EXOC7: variants seen among roughly 807,000 people sequenced by gnomAD.
EXOC7 encodes exocyst complex component Exo70.
Under a neutral mutation model 87.6 loss-of-function variants are expected in EXOC7, and 51 were observed. The observed-to-expected ratio is 0.58, with a 90% CI of 0.46 to 0.73. The LOEUF is 0.73. Ranked by LOEUF, EXOC7 falls within the 30% of genes least tolerant of loss-of-function variation. The pLI is 0.00. For synonymous variants in EXOC7, 327 were observed against 357.1 expected, an observed-to-expected ratio of 0.92 and a Z score of 0.95; for missense variants, 744 against 888.4, an observed-to-expected ratio of 0.84 and a Z score of 2.07.
intron 5 of EXOC7, 94 bp from the exon 6 acceptor site, chr17:76,094,675 C>T: frequency 7.8e-7 from 1 of 1,283,136 alleles, no homozygotes; most frequent in South Asian, 1.4e-5. Flanking sequence ...GTCAACCCTT[C>T]TTAGCATCTG....
At chr17:76,094,290 G>T in intron 6 of EXOC7, 124 bp downstream of exon 6, 1 of 1,053,654 alleles carries the variant, frequency 9.5e-7, no homozygotes, top group Non-Finnish European at 1.3e-6. Flanking sequence ...TGTACCTACA[G>T]TCGGGGTTAC....
In EXOC7 at chr17:76,088,471, T is replaced by C. The variant is rs755301949; in HGVS notation, c.1292A>G (p.Asn431Ser). The C allele has an allele frequency of 6.2e-7, 1 of 1,613,712 alleles. No individual in the cohort carries two copies. Among genetic ancestry groups the C allele is most frequent in the East Asian group, 2.2e-5 (1 of 44,872 alleles). ...GAKALEDFAD[N>S]IKNDPDKEYN... is the part of the protein sequence containing the mutation. ...GGGGAGGACAGCAGGGACCTTGATG[T>C]TGTCTGCGAAGTCCTCCAGCGCTTT... Residue 431 changes from asparagine to serine, a missense_variant, in exon 10 of 19, where the codon AAC becomes AGC. Coordinates refer to ENST00000589210, the MANE Select transcript of EXOC7 (RefSeq NM_001013839.4).
In EXOC7 at chr17:76,082,877, A is replaced by C. The variant is rs2067043119; in HGVS notation, c.*771T>G. ...GCCCTATTTTTTGCTTCCAACCCCC[A>C]TTTTGCTCCTTAACTTTTCCCCATT... is the stretch of plus-strand genomic sequence containing the variant. On this transcript the variant is annotated 3_prime_UTR_variant, in exon 19 of 19. Transcript: ENST00000589210. 5.0e-6 allele frequency: 2 copies of C among 399,658 alleles called. No individual in the cohort carries two copies. The highest frequency in any genetic ancestry group is 1.6e-4 in the South Asian group (2 of 12,166). 24.8% of individuals were successfully genotyped at this position (399,658 alleles called of 1,614,324 possible).
Position 76,094,458 on chromosome 17 carries a change from T to A in EXOC7, c.764A>T (p.Asn255Ile). ...SGVPYSPAIP[N>I]KRKDTPTKKP... The stretch of plus-strand genomic sequence containing the variant: ...CTTGGTAGGTGTGTCTTTCCTCTTG[T>A]TGGGGATAGCAGGGGAGTAGGGAAC... The change falls in exon 6 of 19, where the codon AAC becomes ATC. Residue 255 changes from asparagine to isoleucine, a missense_variant. Asn to Ile is a moderately radical substitution (Grantham distance 149, BLOSUM62 -3). Coordinates refer to ENST00000589210, the MANE Select transcript of EXOC7 (RefSeq NM_001013839.4). 1 of 1,614,038 alleles carries A rather than the reference T, an allele frequency of 6.2e-7. No homozygotes were observed. Among genetic ancestry groups the A allele is most frequent in the Non-Finnish European group, 8.5e-7 (1 of 1,179,956 alleles).
chr17:76,091,088 T>C, intron 7 of EXOC7, 55 bp downstream of exon 7: 1 of 1,508,072 alleles, frequency 6.6e-7, no homozygotes, highest in Non-Finnish European at 9.2e-7. Context: ...CCCTGCCAAG[T>C]GCGTGGACAC....
intron 7 of EXOC7, chr17:76,090,770 C>A (rs2067442442): frequency 3.8e-6 from 2 of 526,782 alleles, no homozygotes; most frequent in East Asian, 6.5e-5. Flanking sequence ...TGCACACACT[C>A]CCCTTTCTAA....
At chr17:76,087,166 G>C in intron 12 of EXOC7, 4 of 458,318 alleles carry the variant, frequency 8.7e-6, no homozygotes, top group Non-Finnish European at 1.6e-5. Flanking sequence ...AGAGGGCCCA[G>C]GGACCTCAGT....
At chr17:76,090,190 G>C in intron 7 of EXOC7, 1 of 947,896 alleles carries the variant, frequency 1.1e-6, no homozygotes, top group East Asian at 2.7e-5. Context: ...AAAAGAGAGA[G>C]AGTGGAGAGA....
At chr17:76,088,977 T>G in intron 8 of EXOC7, 54 bp from the exon 9 acceptor site, 1 of 1,574,838 alleles carries the variant, frequency 6.3e-7, no homozygotes, top group Admixed American at 1.7e-5. Context: ...GAGCTAGTTC[T>G]GGGCTAGTGG....
chr17:76,103,534 C>A, intron 1 of EXOC7, 99 bp downstream of exon 1: 1 of 1,567,578 alleles, frequency 6.4e-7, no homozygotes, highest in Non-Finnish European at 8.6e-7. Flanking sequence ...GCTGGGTGCG[C>A]TCCCTCCCAC....
In EXOC7 at chr17:76,094,489, A is replaced by C; in HGVS notation, c.733T>G (p.Ser245Ala). ...ATAGCAGGGGAGTAGGGAACCCCAG[A>C]GGAAGAACTGCTCTTATGGAAATGC... Reference protein sequence around the residue: ...KEHFHKSSSSSGVPYSPAIPN... With the variant: ...KEHFHKSSSSAGVPYSPAIPN... The change falls in exon 6 of 19, where the codon TCT becomes GCT. Residue 245 changes from serine to alanine, a missense_variant. By Grantham distance (99) the Ser-to-Ala change is moderately conservative. Transcript: ENST00000589210. The C allele has an allele frequency of 6.2e-7, 1 of 1,614,130 alleles. No homozygotes were observed. The highest frequency in any genetic ancestry group is 8.5e-7 in the Non-Finnish European group (1 of 1,180,032).
At position 76,086,514 on chromosome 17, in the gene EXOC7, C is replaced by T. The variant is rs575413724; in HGVS notation, c.1430-369G>A. ...TCTTAGAATGGGCTCCCCACAGCCT[C>T]TCCACCTTCTCCCCTACATTCGAAC... On this transcript the variant is annotated intron_variant, in intron 12 of 18. Transcript: ENST00000589210. Among the ~76,000 whole-genome samples, 183 of 152,308 alleles carry T rather than the reference C, an allele frequency of 1.2e-3. 1 individual carries two copies. The highest frequency in any genetic ancestry group is 4.1e-3 in the African/African-American group (172 of 41,568).
At chr17:76,086,988 G>A in intron 12 of EXOC7, 4 of 1,105,020 alleles carry the variant, frequency 3.6e-6, no homozygotes, top group South Asian at 1.4e-5. Context: ...GAAACGGCAT[G>A]TCAACCCGAA....
In EXOC7 at chr17:76,086,873, A is replaced by G. The variant is rs1403136302; in HGVS notation, c.1430-728T>C. 24 of 1,551,276 alleles carry G rather than the reference A, an allele frequency of 1.5e-5. No homozygotes were observed. The Middle Eastern group carries it at 5.0e-4, about 32-fold the overall frequency. ...GCTTACCTCGGGGGTCTAAAGGAATATTGTATGTGTCCCCAAGAACTACGG... is the reference window on the plus strand; with the variant it reads ...GCTTACCTCGGGGGTCTAAAGGAATGTTGTATGTGTCCCCAAGAACTACGG... On this transcript the variant is annotated intron_variant, in intron 12 of 18. Coordinates refer to ENST00000589210, the MANE Select transcript of EXOC7 (RefSeq NM_001013839.4).
chr17:76,084,397 G>A (rs1368662396), intron 16 of EXOC7, 108 bp from the exon 17 acceptor site: 1 of 1,565,528 alleles, frequency 6.4e-7, no homozygotes, highest in Non-Finnish European at 8.8e-7. Context: ...GTGTCCTGAT[G>A]GCCACATGCA....
rs1296696866 is a variant in EXOC7, at chr17:76,081,984, G to T, written c.*1664C>A. ...CGGGGCAACCTTGGGGCCAAGAGCG[G>T]CCCCAGCCCAGCCCCGAGAGGGGAA... is the stretch of plus-strand genomic sequence containing the variant. On this transcript the variant is annotated 3_prime_UTR_variant, in exon 19 of 19. Coordinates refer to ENST00000589210, the MANE Select transcript of EXOC7 (RefSeq NM_001013839.4). 6.2e-6 allele frequency: 10 copies of T among 1,612,110 alleles called. No individual in the cohort carries two copies. The highest frequency in any genetic ancestry group is 6.8e-6 in the Non-Finnish European group (8 of 1,179,646).
intron 5 of EXOC7, 121 bp from the exon 6 acceptor site, chr17:76,094,702 C>T (rs1246931249): frequency 2.1e-6 from 2 of 947,870 alleles, no homozygotes; most frequent in Non-Finnish European, 3.2e-6. Context: ...GCTCTGGTCA[C>T]AAGCCACCCA....
At chr17:76,085,830 T>C (rs534318304) in intron 13 of EXOC7, 33 bp from the exon 14 acceptor site, 3 of 1,600,194 alleles carry the variant, frequency 1.9e-6, no homozygotes, top group African/African-American at 2.7e-5. Context: ...ACACCCACCA[T>C]GGCAGTCTGA....
In EXOC7 at chr17:76,081,118, G is replaced by A; in HGVS notation, c.*2530C>T. ...GACAATTTGGGATGTTGCAAAACAA[G>A]GTTTGGGAAGCCCTTCTATGGATCG... On this transcript the variant is annotated 3_prime_UTR_variant, in exon 19 of 19. Transcript: ENST00000589210. 1 of 953,998 alleles carries A rather than the reference G, an allele frequency of 1.0e-6. No homozygotes were observed. The highest frequency in any genetic ancestry group is 1.7e-5 in the African/African-American group (1 of 60,604). 59.1% of individuals were successfully genotyped at this position (953,998 alleles called of 1,614,324 possible).
Sources: allele counts gnomAD v4.1 joint callset (sites outside exome capture counted in the v4.1 genomes callset), GRCh38; gene constraint gnomAD v4.1.1; transcripts MANE v1.5; gene names NCBI Gene and HGNC (gene_info 2026-07-23, HGNC 2026-07-21).